The following UBE3C variants were observed in gnomAD, a reference collection of about 807,000 sequenced individuals.
UBE3C encodes ubiquitin protein ligase E3C, also known as ubiquitin-protein ligase E3C.
A neutral mutation model predicts 129.4 loss-of-function variants in UBE3C; 42 were observed. That is an observed-to-expected ratio of 0.32 (90% CI 0.25 to 0.42). The LOEUF (loss-of-function observed/expected upper bound fraction) is 0.42, where lower values mean the gene tolerates loss of function less well. Ranked by LOEUF, UBE3C falls within the 10% of genes least tolerant of loss-of-function variation. The probability of loss-of-function intolerance (pLI) is 1.00; values close to 1 mark genes in which losing one functional copy is unlikely to be tolerated. For synonymous variants in UBE3C, 510 were observed against 492.4 expected, an observed-to-expected ratio of 1.04 and a Z score of -0.47; for missense variants, 1,049 against 1,319.1, an observed-to-expected ratio of 0.80 and a Z score of 3.17.
At chr7:157,225,385 T>A (rs897798003) in intron 16 of UBE3C, 22 bp from the exon 17 acceptor site, 1 of 1,588,598 alleles carries the variant, frequency 6.3e-7, no homozygotes, top group Non-Finnish European at 8.5e-7. Flanking sequence ...CTAATAACCT[T>A]ACAGCTTTCC....
At chr7:157,144,690 T>TA (rs79516096) in intron 1 of UBE3C, among the ~76,000 whole-genome samples, 40,801 of 151,260 alleles carry the variant, frequency 0.27, 5,590 homozygotes, top group East Asian at 0.35. Context: ...GTGCTTTTTT[T>TA]AAAAAAAAAT....
chr7:157,219,135 A>G (rs1795665550), intron 14 of UBE3C, among the ~76,000 whole-genome samples: 1 of 152,196 alleles, frequency 6.6e-6, no homozygotes, highest in Non-Finnish European at 1.5e-5. Context: ...CTCCAGGTGC[A>G]GCGCATGTCT....
At chr7:157,218,063 A>G (rs182986963) in intron 14 of UBE3C, among the ~76,000 whole-genome samples, 62 of 152,198 alleles carry the variant, frequency 4.1e-4, no homozygotes, top group African/African-American at 1.4e-3. Context: ...ACAGAGGGAC[A>G]TAAGGTATTT....
chr7:157,227,261 G>T (rs1018360314), intron 17 of UBE3C, among the ~76,000 whole-genome samples: 4 of 152,150 alleles, frequency 2.6e-5, no homozygotes, highest in Non-Finnish European at 2.9e-5. Context: ...AGCACCTGTA[G>T]GGGAGGAGCT....
chr7:157,157,457 G>A (rs185208098), intron 1 of UBE3C, among the ~76,000 whole-genome samples: 1 of 152,242 alleles, frequency 6.6e-6, no homozygotes, highest in Admixed American at 6.5e-5. Flanking sequence ...AAAGTTAGAC[G>A]CTGCACTGTG....
chr7:157,182,185 C>T lies in UBE3C; in HGVS notation c.848C>T (p.Pro283Leu), dbSNP rs751521871. 9.9e-6 allele frequency: 16 copies of T among 1,613,634 alleles called. No homozygotes were observed. Among genetic ancestry groups the T allele is most frequent in the African/African-American group, 2.7e-5 (2 of 74,890 alleles). ...GATCAGATTTTTCATTTCATCATTC[C>T]GGCGCTTGCAGATGCGCAGACCGTT... ...FTDQIFHFII[P>L]ALADAQTVFP... Residue 283 changes from proline (P) to leucine (L), a missense_variant, in exon 8 of 23, where the codon CCG becomes CTG. Physicochemically the swap from Pro to Leu is moderately conservative, Grantham distance 98 (BLOSUM62 -3). This residue lies in a region of UBE3C where 489 missense variants were observed against 513.8 expected (regional missense o/e 0.95). Coordinates refer to ENST00000348165, the MANE Select transcript of UBE3C (RefSeq NM_014671.3).
intron 22 of UBE3C, among the ~76,000 whole-genome samples, chr7:157,264,067 G>A (rs1260460543): frequency 1.3e-5 from 2 of 151,598 alleles, no homozygotes; most frequent in Admixed American, 6.6e-5. Context: ...CAACATGCTC[G>A]GCCTGTTACA....
intron 1 of UBE3C, among the ~76,000 whole-genome samples, chr7:157,154,397 C>A (rs757232697): frequency 1.8e-4 from 28 of 152,072 alleles, no homozygotes; most frequent in Non-Finnish European, 3.5e-4. Flanking sequence ...AACTTCCCAC[C>A]ATTATTTTCT....
rs192219121 is a variant in UBE3C, at chr7:157,253,344, C to T, written c.2695-610C>T. ...TCTTGTGGTGTTTATGGGAGCTCCA[C>T]GTTATACCTGCAAATTCTGTGAGTA... On this transcript the variant is annotated intron_variant, in intron 19 of 22. Coordinates refer to ENST00000348165, the MANE Select transcript of UBE3C (RefSeq NM_014671.3). 3.3e-5 allele frequency among the ~76,000 whole-genome samples: 5 copies of T among 152,314 alleles called. No individual in the cohort carries two copies. The East Asian group carries it at 5.8e-4, about 18-fold the overall frequency.
chr7:157,174,385 CTTTG>C (rs1262817230), intron 4 of UBE3C, among the ~76,000 whole-genome samples: 2 of 152,070 alleles, frequency 1.3e-5, no homozygotes, highest in Admixed American at 1.3e-4. Context: ...TTTAAGTGTA[CTTTG>C]TTTTAGTTAC....
At chr7:157,178,256 T>C (rs1355054624) in intron 5 of UBE3C, among the ~76,000 whole-genome samples, 1 of 152,174 alleles carries the variant, frequency 6.6e-6, no homozygotes, top group Non-Finnish European at 1.5e-5. Flanking sequence ...AATATATCAT[T>C]GTTCTATTTG....
chr7:157,140,013 C>T, intron 1 of UBE3C: 1 of 985,388 alleles, frequency 1.0e-6, no homozygotes, highest in South Asian at 4.7e-5. Flanking sequence ...TTAAGTTGTT[C>T]GCATGGTAAT....
chr7:157,185,109 T>C (rs896667505), intron 9 of UBE3C, among the ~76,000 whole-genome samples: 1 of 152,264 alleles, frequency 6.6e-6, no homozygotes, highest in Admixed American at 6.5e-5. Context: ...TCACCTCCCA[T>C]AGAATTTGTG....
chr7:157,239,714 G>T (rs1053586801), intron 18 of UBE3C, among the ~76,000 whole-genome samples: 1 of 152,186 alleles, frequency 6.6e-6, no homozygotes, highest in East Asian at 1.9e-4. Flanking sequence ...AACAGCATGT[G>T]TATTTGCTGC....
In UBE3C at chr7:157,206,397, G is replaced by A. The variant is rs945736890; in HGVS notation, c.1419-1001G>A. ...CCTGCCTCAGCCTCCCAAGTAGCTG[G>A]GATTACAGGCACGTGCCACCACACC... is the stretch of plus-strand genomic sequence containing the variant. On this transcript the variant is annotated intron_variant, in intron 11 of 22. Coordinates refer to ENST00000348165, the MANE Select transcript of UBE3C (RefSeq NM_014671.3). Among the ~76,000 whole-genome samples, 27 of 151,904 alleles carry A rather than the reference G, an allele frequency of 1.8e-4. 2 individuals carry two copies.
At chr7:157,157,984 AT>A (rs1807960335) in intron 1 of UBE3C, among the ~76,000 whole-genome samples, 1 of 144,358 alleles carries the variant, frequency 6.9e-6, no homozygotes, top group African/African-American at 2.7e-5. Flanking sequence ...ATATATATAT[AT>A]ATAGAGAGAG....
At chr7:157,220,856 A>C in intron 15 of UBE3C, 80 bp downstream of exon 15, 1 of 1,473,480 alleles carries the variant, frequency 6.8e-7, no homozygotes, top group East Asian at 2.4e-5. Context: ...CAGATCTGTT[A>C]TTTTTCATAA....
intron 1 of UBE3C, among the ~76,000 whole-genome samples, chr7:157,160,125 A>C (rs1471874757): frequency 6.7e-6 from 1 of 149,156 alleles, no homozygotes; most frequent in African/African-American, 2.5e-5. Context: ...CCCAGGCTGG[A>C]GTGCAGTGGC....
intron 10 of UBE3C, among the ~76,000 whole-genome samples, chr7:157,187,794 T>G (rs1808853401): frequency 6.6e-6 from 1 of 152,054 alleles, no homozygotes; most frequent in Non-Finnish European, 1.5e-5. Context: ...GCCAGGATGG[T>G]CTTGATCTCC....
Sources: allele counts gnomAD v4.1 joint callset (sites outside exome capture counted in the v4.1 genomes callset), GRCh38; gene constraint gnomAD v4.1.1; regional missense constraint gnomAD v4.1.1; transcripts MANE v1.5; gene names NCBI Gene and HGNC (gene_info 2026-07-23, HGNC 2026-07-21).